Variants in PTPRM observed in about 807,000 individuals in gnomAD.
PTPRM encodes protein tyrosine phosphatase receptor type M.
A neutral mutation model predicts 186.7 loss-of-function variants in PTPRM; 47 were observed. The observed-to-expected ratio is 0.25, with a 90% confidence interval of 0.20 to 0.32. The LOEUF is 0.32. Among genes scored for constraint, PTPRM ranks in the 10% least tolerant of loss-of-function variants. The pLI, the probability that PTPRM is intolerant of heterozygous loss-of-function variation, is 1.00. For missense variants in PTPRM, 1,494 were observed against 1,865.0 expected, an observed-to-expected ratio of 0.80 and a Z score of 3.66; for synonymous variants, 668 against 674.9, an observed-to-expected ratio of 0.99 and a Z score of 0.16.
chr18:7,988,186 T>A (rs922084003), intron 7 of PTPRM, among the ~76,000 whole-genome samples: 1 of 151,938 alleles, frequency 6.6e-6, no homozygotes, highest in Non-Finnish European at 1.5e-5. Context: ...GGATCTGTTA[T>A]CATGTTCATT....
At chr18:8,383,796 C>T (rs772429976) in intron 29 of PTPRM, among the ~76,000 whole-genome samples, 6 of 152,162 alleles carry the variant, frequency 3.9e-5, no homozygotes, top group Admixed American at 6.5e-5. Context: ...GCCTTATTCC[C>T]AATAGTGGTT....
intron 4 of PTPRM, among the ~76,000 whole-genome samples, chr18:7,914,071 A>C (rs1182516885): frequency 6.6e-6 from 1 of 152,152 alleles, no homozygotes; most frequent in East Asian, 1.9e-4. Flanking sequence ...TTTTTTAATG[A>C]AGATTTATTA....
At chr18:8,164,152 C>A (rs1199092031) in intron 14 of PTPRM, among the ~76,000 whole-genome samples, 2 of 152,152 alleles carry the variant, frequency 1.3e-5, no homozygotes, top group Non-Finnish European at 2.9e-5. Context: ...CATAAGTTGA[C>A]CTCACTGGAT....
chr18:8,176,116 T>A (rs936540206), intron 14 of PTPRM, among the ~76,000 whole-genome samples: 1 of 152,222 alleles, frequency 6.6e-6, no homozygotes, highest in African/African-American at 2.4e-5. Context: ...TTTAAAAATT[T>A]ATGAGCTTAT....
At chr18:7,985,789 GTTA>G (rs2082933240) in intron 7 of PTPRM, among the ~76,000 whole-genome samples, 1 of 151,878 alleles carries the variant, frequency 6.6e-6, no homozygotes, top group South Asian at 2.1e-4. Flanking sequence ...GTACAATTCA[GTTA>G]TTATTGATGA....
chr18:8,278,500 AC>A (rs2094863597), intron 19 of PTPRM, among the ~76,000 whole-genome samples: 1 of 152,220 alleles, frequency 6.6e-6, no homozygotes, highest in African/African-American at 2.4e-5. Flanking sequence ...CTCACCCTTC[AC>A]TTCTGATTGA....
intron 1 of PTPRM, among the ~76,000 whole-genome samples, chr18:7,569,198 G>A (rs1027055470): frequency 3.3e-5 from 5 of 152,144 alleles, no homozygotes; most frequent in African/African-American, 1.2e-4. Flanking sequence ...TTGGGGTCCA[G>A]GACCATTGGC....
At chr18:7,712,626 AG>A (rs998451980) in intron 1 of PTPRM, among the ~76,000 whole-genome samples, 2 of 152,078 alleles carry the variant, frequency 1.3e-5, no homozygotes, top group African/African-American at 4.8e-5. Flanking sequence ...TCTTGAAAAA[AG>A]GTTAGAGGAA....
At chr18:8,024,349 G>T (rs939843995) in intron 7 of PTPRM, among the ~76,000 whole-genome samples, 1 of 152,048 alleles carries the variant, frequency 6.6e-6, no homozygotes, top group Admixed American at 6.5e-5. Context: ...GGGCCTGATC[G>T]ATTGTTCACA....
At chr18:7,574,655 G>A (rs889975734) in intron 1 of PTPRM, among the ~76,000 whole-genome samples, 1 of 152,252 alleles carries the variant, frequency 6.6e-6, no homozygotes, top group Non-Finnish European at 1.5e-5. Flanking sequence ...CTGGAAGTTA[G>A]TAGATGTAAG....
intron 14 of PTPRM, among the ~76,000 whole-genome samples, chr18:8,196,657 T>G (rs1568501757): frequency 6.6e-6 from 1 of 152,226 alleles, no homozygotes. Flanking sequence ...ACCATTAGAT[T>G]ATGTCAAAAA....
intron 3 of PTPRM, among the ~76,000 whole-genome samples, chr18:7,898,577 A>C (rs2049491874): frequency 6.6e-6 from 1 of 152,184 alleles, no homozygotes; most frequent in Non-Finnish European, 1.5e-5. Context: ...AGCAATAGTC[A>C]GTTTAAACAA....
At chr18:8,306,596 A>G (rs148464024) in intron 20 of PTPRM, among the ~76,000 whole-genome samples, 3 of 152,352 alleles carry the variant, frequency 2.0e-5, no homozygotes, top group Admixed American at 1.3e-4. Flanking sequence ...TTTCATGGTT[A>G]GTAATTGACC....
At chr18:7,930,171 T>TTATCCTCCCACCTC (rs1466354570) in intron 5 of PTPRM, among the ~76,000 whole-genome samples, 6 of 152,074 alleles carry the variant, frequency 3.9e-5, no homozygotes, top group African/African-American at 1.4e-4. Context: ...TGGGCTTAGA[T>TTATCCTCCCACCTC]GATCCTCCCA....
At chr18:8,032,613 A>G (rs1381462554) in intron 7 of PTPRM, among the ~76,000 whole-genome samples, 4 of 152,292 alleles carry the variant, frequency 2.6e-5, no homozygotes, top group Admixed American at 1.3e-4. Flanking sequence ...AAATATTTTT[A>G]AAGTTTATTT....
intron 7 of PTPRM, among the ~76,000 whole-genome samples, chr18:7,973,666 A>G (rs964372089): frequency 6.6e-6 from 1 of 152,094 alleles, no homozygotes; most frequent in Non-Finnish European, 1.5e-5. Flanking sequence ...TTTGTGGTTT[A>G]TTATAGAGAA....
At chr18:8,074,624 T>C (rs979123205) in intron 8 of PTPRM, among the ~76,000 whole-genome samples, 1 of 152,230 alleles carries the variant, frequency 6.6e-6, no homozygotes, top group African/African-American at 2.4e-5. Context: ...TATCTCATTA[T>C]GGTTTCGATT....
Position 7,911,227 on chromosome 18 carries a change from G to C in PTPRM, c.547+4644G>C, listed in dbSNP as rs186369181. Among the ~76,000 whole-genome samples, 6 of 152,334 alleles carry C rather than the reference G, an allele frequency of 3.9e-5. No homozygotes were observed. In the East Asian group the frequency reaches 7.7e-4, roughly 20 times the overall value. On this transcript the variant is annotated intron_variant, in intron 4 of 32. Transcript: ENST00000580170. The stretch of plus-strand genomic sequence containing the variant: ...CCTTTGGGCTATTGGGAATAATGCT[G>C]CTGTGAACATTTGTTATCAGTTCTC...
At chr18:8,318,466 T>G (rs553103878) in intron 21 of PTPRM, among the ~76,000 whole-genome samples, 1 of 151,962 alleles carries the variant, frequency 6.6e-6, no homozygotes, top group African/African-American at 2.4e-5. Context: ...CTGGCTAATT[T>G]TTGTATTTTT....
Sources: allele counts gnomAD v4.1 joint callset (sites outside exome capture counted in the v4.1 genomes callset), GRCh38; gene constraint gnomAD v4.1.1; transcripts MANE v1.5; gene names NCBI Gene and HGNC (gene_info 2026-07-23, HGNC 2026-07-21).